PAPPA2: variants seen among roughly 807,000 people sequenced by gnomAD.
The protein encoded by PAPPA2 is pappalysin-2.
A neutral mutation model predicts 176.4 loss-of-function variants in PAPPA2; 86 were observed. That is an observed-to-expected ratio of 0.49 (90% CI 0.41 to 0.58). The LOEUF is 0.58. PAPPA2 is among the 20% of genes least tolerant of loss of function. PAPPA2 has a pLI of 0.00. For missense variants in PAPPA2, 2,073 were observed against 2,256.9 expected, an observed-to-expected ratio of 0.92 and a Z score of 1.65; for synonymous variants, 809 against 852.2, an observed-to-expected ratio of 0.95 and a Z score of 0.88.
intron 4 of PAPPA2, among the ~76,000 whole-genome samples, chr1:176,677,268 A>C (rs1434083351): frequency 2.6e-5 from 4 of 152,188 alleles, no homozygotes; most frequent in African/African-American, 9.6e-5. Flanking sequence ...TTGTGTCAGC[A>C]TGTAAAGGCC....
At chr1:176,523,964 A>T (rs772698832) in intron 1 of PAPPA2, among the ~76,000 whole-genome samples, 6 of 152,184 alleles carry the variant, frequency 3.9e-5, no homozygotes, top group Non-Finnish European at 5.9e-5. Flanking sequence ...ATTGATTGCC[A>T]CCCTGTTAGG....
At chr1:176,828,567 A>G (rs996606393) in intron 21 of PAPPA2, among the ~76,000 whole-genome samples, 2 of 151,874 alleles carry the variant, frequency 1.3e-5, no homozygotes, top group African/African-American at 4.8e-5. Context: ...TATCATATAT[A>G]TTTACCACAT....
intron 3 of PAPPA2, among the ~76,000 whole-genome samples, chr1:176,613,001 G>A (rs1006699030): frequency 3.3e-5 from 5 of 152,146 alleles, no homozygotes; most frequent in African/African-American, 1.2e-4. Context: ...TTTATGAGTT[G>A]TTGGCATGCA....
intron 21 of PAPPA2, among the ~76,000 whole-genome samples, chr1:176,803,962 T>C (rs911704244): frequency 6.6e-6 from 1 of 152,330 alleles, no homozygotes; most frequent in South Asian, 2.1e-4. Context: ...ATTGAATATT[T>C]GTCCCACCTG....
In PAPPA2 at chr1:176,699,247, C is replaced by T. The variant is rs1660530314; in HGVS notation, c.2894C>T (p.Thr965Ile). 3 of 1,614,188 alleles carry T rather than the reference C, an allele frequency of 1.9e-6. No individual in the cohort carries two copies. In the African/African-American group the frequency reaches 4.0e-5, roughly 22 times the overall value. ...TTCCAACACCCGGTCCAAGCCGACA[C>T]CCTCACCCTGTGGGTCACTTCCTTC... is the stretch of plus-strand genomic sequence containing the variant. ...LLFQHPVQAD[T>I]LTLWVTSFFM... The change falls in exon 8 of 23, where the codon ACC becomes ATC. Residue 965 changes from threonine (T) to isoleucine (I), a missense_variant. Coordinates refer to ENST00000367662, the MANE Select transcript of PAPPA2 (RefSeq NM_020318.3).
chr1:176,822,952 A>G (rs1274166654), intron 21 of PAPPA2, among the ~76,000 whole-genome samples: 3 of 152,194 alleles, frequency 2.0e-5, no homozygotes, highest in African/African-American at 7.2e-5. Context: ...ACCACCAACT[A>G]ATCCTAGTAA....
chr1:176,486,874 A>G (rs957325135), intron 1 of PAPPA2, among the ~76,000 whole-genome samples: 1 of 152,116 alleles, frequency 6.6e-6, no homozygotes, highest in African/African-American at 2.4e-5. Flanking sequence ...TTGTAATTAG[A>G]TAGCTCGATA....
At position 176,623,630 on chromosome 1, in the gene PAPPA2, A is replaced by ACTTTCTTTCTTTCTTTCTTTCTTTCTTT. The variant is rs200126031; in HGVS notation, c.1991+28048_1991+28075dup. Among the ~76,000 whole-genome samples, 84 of 84,000 alleles carry ACTTTCTTTCTTTCTTTCTTTCTTTCTTT rather than the reference A, an allele frequency of 1.0e-3. 2 individuals carry two copies. Among genetic ancestry groups the ACTTTCTTTCTTTCTTTCTTTCTTTCTTT allele is most frequent in the African/African-American group, 2.0e-3 (29 of 14,686 alleles). 55.1% of individuals were successfully genotyped at this position (84,000 alleles called of 152,430 possible). On this transcript the variant is annotated intron_variant, in intron 3 of 22. Coordinates refer to ENST00000367662, the MANE Select transcript of PAPPA2 (RefSeq NM_020318.3). ...TCCTTCCTTCCTTCCTTCCTTTTTT[A>ACTTTCTTTCTTTCTTTCTTTCTTTCTTT]CTTTCTTTCTTTCTTTCTTTCTTTC...
chr1:176,547,484 A>C (rs1327635431), intron 1 of PAPPA2, among the ~76,000 whole-genome samples: 1 of 152,154 alleles, frequency 6.6e-6, no homozygotes, highest in Non-Finnish European at 1.5e-5. Flanking sequence ...GCCCTGCCTC[A>C]ATGACATCTG....
chr1:176,836,388 C>T (rs920758202), intron 21 of PAPPA2, among the ~76,000 whole-genome samples: 4 of 152,172 alleles, frequency 2.6e-5, no homozygotes, highest in Non-Finnish European at 2.9e-5. Flanking sequence ...GATACAGTCC[C>T]TTTTGGCTAA....
At chr1:176,581,595 G>T (rs1306748035) in intron 2 of PAPPA2, among the ~76,000 whole-genome samples, 2 of 152,078 alleles carry the variant, frequency 1.3e-5, no homozygotes, top group Admixed American at 6.5e-5. Context: ...ATTAATATGA[G>T]ATGTCTTTTC....
At chr1:176,496,503 A>G (rs1470689381) in intron 1 of PAPPA2, among the ~76,000 whole-genome samples, 1 of 151,920 alleles carries the variant, frequency 6.6e-6, no homozygotes, top group Non-Finnish European at 1.5e-5. Flanking sequence ...TGTATTGCCG[A>G]GTGTTCCTTT....
chr1:176,708,617 G>A (rs1660994088), intron 10 of PAPPA2, among the ~76,000 whole-genome samples: 1 of 152,040 alleles, frequency 6.6e-6, no homozygotes, highest in South Asian at 2.1e-4. Flanking sequence ...AGTGCTTTGA[G>A]TAGGTTTGGT....
chr1:176,485,970 G>C (rs1652627822), intron 1 of PAPPA2, among the ~76,000 whole-genome samples: 1 of 152,194 alleles, frequency 6.6e-6, no homozygotes, highest in Non-Finnish European at 1.5e-5. Context: ...TGGGCTTCTA[G>C]GGGTGATAAA....
intron 4 of PAPPA2, among the ~76,000 whole-genome samples, chr1:176,683,008 C>CTATTTATTTATT (rs71865149): frequency 7.9e-4 from 111 of 140,660 alleles, no homozygotes; most frequent in Middle Eastern, 3.5e-3. Context: ...TTGCCCAAAG[C>CTATTTATTTATT]TATTTATTTA....
At chr1:176,670,929 A>C (rs554858291) in intron 3 of PAPPA2, 41 bp from the exon 4 acceptor site, 2 of 1,611,660 alleles carry the variant, frequency 1.2e-6, no homozygotes, top group Non-Finnish European at 1.7e-6. Context: ...CTAAGTACCA[A>C]TTCTTTGCTG....
intron 4 of PAPPA2, among the ~76,000 whole-genome samples, chr1:176,672,079 AT>A (rs1357777815): frequency 5.3e-5 from 8 of 151,618 alleles, no homozygotes; most frequent in African/African-American, 1.9e-4. Flanking sequence ...AAATAAAAAA[AT>A]AAAAAATAAA....
intron 3 of PAPPA2, among the ~76,000 whole-genome samples, chr1:176,644,404 A>T (rs1228658144): frequency 1.3e-5 from 2 of 151,790 alleles, no homozygotes; most frequent in East Asian, 1.9e-4. Flanking sequence ...AGGATTTTTT[A>T]AAAATGTCTA....
At chr1:176,667,355 G>A (rs1658722172) in intron 3 of PAPPA2, among the ~76,000 whole-genome samples, 1 of 152,186 alleles carries the variant, frequency 6.6e-6, no homozygotes, top group South Asian at 2.1e-4. Flanking sequence ...GGAGAGCCCA[G>A]GAATCAGGGG....
Sources: allele counts gnomAD v4.1 joint callset (sites outside exome capture counted in the v4.1 genomes callset), GRCh38; gene constraint gnomAD v4.1.1; transcripts MANE v1.5; gene names NCBI Gene and HGNC (gene_info 2026-07-23, HGNC 2026-07-21).